SNX10: variants seen among roughly 807,000 people sequenced by gnomAD.
SNX10 encodes the protein sorting nexin 10, also known as sorting nexin-10.
In SNX10, 25 loss-of-function variants were observed where a neutral mutation model predicts 28.5. The observed-to-expected ratio is 0.88, with a 90% confidence interval of 0.64 to 1.22. SNX10 has a LOEUF of 1.22. SNX10 is among the 50% of genes most tolerant of loss of function. SNX10 has a pLI of 0.00. For missense variants in SNX10, 223 were observed against 242.6 expected (o/e 0.92, Z 0.54); for synonymous variants, 62 against 81.4 (o/e 0.76, Z 1.28).
chr7:26,355,003 G>T (rs1201300604), intron 2 of SNX10, among the ~76,000 whole-genome samples: 1 of 151,670 alleles, frequency 6.6e-6, no homozygotes, highest in Admixed American at 6.6e-5. Context: ...GGTTGGTGTT[G>T]ATTTTTGTAT....
chr7:26,358,131 T>C lies in SNX10; in HGVS notation c.25-2844T>C, dbSNP rs566175451. Among the ~76,000 whole-genome samples the C allele has an allele frequency of 2.0e-5, 3 of 152,266 alleles. No homozygotes were observed. The South Asian group carries it at 6.2e-4, about 32-fold the overall frequency. On this transcript the variant is annotated intron_variant, in intron 2 of 6. Coordinates refer to ENST00000338523, the MANE Select transcript of SNX10 (RefSeq NM_013322.3). ...TTAGCACTCCAACCAAATTAAAGAT[T>C]TTCAGGATTGAAACAATATGTGGAG...
chr7:26,301,695 G>T (rs947934956), intron 1 of SNX10, among the ~76,000 whole-genome samples: 1 of 152,188 alleles, frequency 6.6e-6, no homozygotes, highest in African/African-American at 2.4e-5. Flanking sequence ...GGGTACTTCA[G>T]TTTACATTAT....
chr7:26,356,607 T>C (rs1419969881), intron 2 of SNX10, among the ~76,000 whole-genome samples: 1 of 152,208 alleles, frequency 6.6e-6, no homozygotes, highest in Non-Finnish European at 1.5e-5. Context: ...ATGTGAATTA[T>C]AGAATATTTT....
chr7:26,314,088 A>C (rs948056644), intron 1 of SNX10, among the ~76,000 whole-genome samples: 2 of 152,226 alleles, frequency 1.3e-5, no homozygotes, highest in African/African-American at 4.8e-5. Context: ...CTGGGATTAC[A>C]GGTGTGAGCC....
intron 1 of SNX10, among the ~76,000 whole-genome samples, chr7:26,300,748 C>T (rs1256343703): frequency 1.3e-5 from 2 of 152,080 alleles, no homozygotes; most frequent in Non-Finnish European, 2.9e-5. Flanking sequence ...GGCCGAGCAC[C>T]GTGTCTCTCA....
At chr7:26,336,926 T>G (rs1787966970) in intron 1 of SNX10, among the ~76,000 whole-genome samples, 1 of 152,210 alleles carries the variant, frequency 6.6e-6, no homozygotes, top group South Asian at 2.1e-4. Context: ...ATTTTGCACA[T>G]GTAGCACTGA....
chr7:26,301,676 C>T (rs1457481477), intron 1 of SNX10, among the ~76,000 whole-genome samples: 1 of 152,238 alleles, frequency 6.6e-6, no homozygotes, highest in African/African-American at 2.4e-5. Flanking sequence ...ATGTACCACA[C>T]ACTGTCCTGG....
chr7:26,317,000 T>C (rs1377666596), intron 1 of SNX10, among the ~76,000 whole-genome samples: 1 of 152,196 alleles, frequency 6.6e-6, no homozygotes, highest in Non-Finnish European at 1.5e-5. Context: ...CCTGTATGCG[T>C]TACATACCTG....
chr7:26,346,184 A>G (rs1788380032), intron 1 of SNX10, among the ~76,000 whole-genome samples: 1 of 152,154 alleles, frequency 6.6e-6, no homozygotes, highest in Admixed American at 6.6e-5. Flanking sequence ...AAGGTCTGTC[A>G]TCATCCAGCT....
intron 1 of SNX10, among the ~76,000 whole-genome samples, chr7:26,317,062 G>T (rs545586586): frequency 6.6e-6 from 1 of 152,256 alleles, no homozygotes; most frequent in African/African-American, 2.4e-5. Context: ...ATAGTGAGGA[G>T]CCATGCCATT....
At position 26,361,069 on chromosome 7, in the gene SNX10, T is replaced by C. The variant is rs1293655458; in HGVS notation, c.111+8T>C. On this transcript the variant is annotated splice_region_variant and intron_variant, in intron 3 of 6. Transcript: ENST00000338523. ...TATGAGATATGTATTCATGTAAGTA[T>C]GTAGTCAGTAGAAATAGTAATTTTG... 1 of 1,590,414 alleles carries C rather than the reference T, an allele frequency of 6.3e-7. No individual in the cohort carries two copies. Among genetic ancestry groups the C allele is most frequent in the Non-Finnish European group, 8.6e-7 (1 of 1,165,752 alleles).
intron 1 of SNX10, among the ~76,000 whole-genome samples, chr7:26,343,006 C>T (rs545891246): frequency 1.3e-5 from 2 of 152,150 alleles, no homozygotes; most frequent in East Asian, 3.9e-4. Context: ...GATGGGGTTT[C>T]GCCATGTTAT....
intron 1 of SNX10, among the ~76,000 whole-genome samples, chr7:26,323,098 A>C (rs1475613132): frequency 6.6e-6 from 1 of 151,880 alleles, no homozygotes; most frequent in Non-Finnish European, 1.5e-5. Flanking sequence ...AAAATAACAA[A>C]AATTAGCCAA....
chr7:26,306,419 T>A (rs540408187), intron 1 of SNX10, among the ~76,000 whole-genome samples: 46 of 151,912 alleles, frequency 3.0e-4, no homozygotes, highest in Admixed American at 1.3e-3. Context: ...AGAATTTTTT[T>A]TTTTTTTTTT....
At chr7:26,298,582 C>CCA (rs1786199253) in intron 1 of SNX10, among the ~76,000 whole-genome samples, 1 of 152,184 alleles carries the variant, frequency 6.6e-6, no homozygotes, top group Non-Finnish European at 1.5e-5. Flanking sequence ...ACTTCCACTT[C>CCA]TAGGACCTTA....
chr7:26,309,194 T>C (rs1006019202), intron 1 of SNX10, among the ~76,000 whole-genome samples: 1 of 152,068 alleles, frequency 6.6e-6, no homozygotes, highest in African/African-American at 2.4e-5. Context: ...CATCAAGACC[T>C]AGTCAAGCCT....
At chr7:26,340,032 A>G (rs10252532) in intron 1 of SNX10, among the ~76,000 whole-genome samples, 61,413 of 151,734 alleles carry the variant, frequency 0.4, 13,747 homozygotes, top group African/African-American at 0.59. Flanking sequence ...GATATAAACC[A>G]TACTTGTTAT....
chr7:26,303,820 T>C (rs1387292764), intron 1 of SNX10, among the ~76,000 whole-genome samples: 1 of 152,208 alleles, frequency 6.6e-6, no homozygotes, highest in East Asian at 1.9e-4. Flanking sequence ...CCAGAGGCTA[T>C]GACACACTCA....
At chr7:26,308,570 T>TG (rs951976983) in intron 1 of SNX10, among the ~76,000 whole-genome samples, 9 of 152,282 alleles carry the variant, frequency 5.9e-5, no homozygotes, top group Admixed American at 3.3e-4. Context: ...TGGAGGTTCC[T>TG]GGGGGGTGGT....
Sources: allele counts gnomAD v4.1 joint callset (sites outside exome capture counted in the v4.1 genomes callset), GRCh38; gene constraint gnomAD v4.1.1; transcripts MANE v1.5; gene names NCBI Gene and HGNC (gene_info 2026-07-23, HGNC 2026-07-21).